Variants in POGLUT2 observed in about 807,000 individuals in gnomAD.
The protein encoded by POGLUT2 is protein O-glucosyltransferase 2.
A neutral mutation model predicts 57.6 loss-of-function variants in POGLUT2; 47 were observed. The ratio of observed to expected loss-of-function variants is 0.82; its 90% CI spans 0.65 to 1.04. The LOEUF (loss-of-function observed/expected upper bound fraction) is 1.04, where lower values mean the gene tolerates loss of function less well. Ranked by LOEUF, POGLUT2 falls within the 50% of genes least tolerant of loss-of-function variation. The pLI is 0.00. For synonymous variants in POGLUT2, 200 were observed against 218.8 expected, an observed-to-expected ratio of 0.91 and a Z score of 0.76; for missense variants, 565 against 614.8, an observed-to-expected ratio of 0.92 and a Z score of 0.86.
rs747119957 is a variant in POGLUT2 at position 102,787,843 on chromosome 13, T to C, written c.1374A>G (p.Lys458=). The change falls in exon 8 of 10, where the codon AAA becomes AAG. Residue 458 remains lysine (K), a synonymous_variant. Coordinates refer to ENST00000376004, the MANE Select transcript of POGLUT2 (RefSeq NM_024089.3). ...MGDDIFCYYF[K]LFQEYANLQV... is the part of the protein sequence containing the mutation. ...CTTGGAAAATACTGACCTGGAAAAG[T>C]TTGAAATAATAACAGAATATGTCAT... 2 of 1,553,554 alleles carry C rather than the reference T, an allele frequency of 1.3e-6. No homozygotes were observed. The highest frequency in any genetic ancestry group is 1.4e-5 in the African/African-American group (1 of 73,730).
chr13:102,788,549 T>C (rs1430124870), intron 7 of POGLUT2, among the ~76,000 whole-genome samples: 1 of 152,132 alleles, frequency 6.6e-6, no homozygotes, highest in Non-Finnish European at 1.5e-5. Flanking sequence ...TGCAATGGTG[T>C]GGTCTCGGCT....
intron 2 of POGLUT2, among the ~76,000 whole-genome samples, chr13:102,794,317 G>A (rs1042546076): frequency 1.3e-5 from 2 of 152,100 alleles, no homozygotes; most frequent in Non-Finnish European, 2.9e-5. Flanking sequence ...TCACAGTGAA[G>A]TTTTGTGATA....
rs140281026 is a variant in POGLUT2 at position 102,786,465 on chromosome 13, T to C, written c.1384-126A>G. Reference sequence around the variant, plus strand: ...GTGTGTCAAACTGTGATCTGCATAGTCCGTCATATATACCAGTTCTGAACA... The same window carrying C: ...GTGTGTCAAACTGTGATCTGCATAGCCCGTCATATATACCAGTTCTGAACA... On this transcript the variant is annotated intron_variant, in intron 8 of 9. Transcript: ENST00000376004. The C allele has an allele frequency of 4.1e-4, 282 of 690,464 alleles. 1 individual carries two copies. The highest frequency in any genetic ancestry group is 3.8e-3 in the Middle Eastern group (10 of 2,614). 42.8% of individuals were successfully genotyped at this position (690,464 alleles called of 1,614,324 possible).
chr13:102,787,807 G>A (rs752908430), intron 8 of POGLUT2, 27 bp downstream of exon 8: 17 of 1,255,118 alleles, frequency 1.4e-5, no homozygotes, highest in East Asian at 9.4e-5. Flanking sequence ...TATAAGTTAC[G>A]TGATGATTTT....
In POGLUT2 at chr13:102,790,933, C is replaced by T. The variant is rs780824133; in HGVS notation, c.1051G>A (p.Val351Met). Residue 351 changes from valine (V) to methionine (M), a missense_variant, in exon 6 of 10, where the codon GTG becomes ATG. Val to Met is a conservative substitution (Grantham distance 21). Coordinates refer to ENST00000376004, the MANE Select transcript of POGLUT2 (RefSeq NM_024089.3). Reference protein sequence around the residue: ...KHDENLYGPIVKHISFFDFFK... With the variant: ...KHDENLYGPIMKHISFFDFFK... ...AAATCAAAAAATGAAATATGTTTCACAATGGGACCATACAGGTTTTCATCG... is the reference window on the plus strand; with the variant it reads ...AAATCAAAAAATGAAATATGTTTCATAATGGGACCATACAGGTTTTCATCG... 34 of 1,611,602 alleles carry T rather than the reference C, an allele frequency of 2.1e-5. No individual in the cohort carries two copies. In the Admixed American group the frequency reaches 5.3e-4, roughly 25 times the overall value.
intron 2 of POGLUT2, among the ~76,000 whole-genome samples, chr13:102,796,104 G>A (rs749089325): frequency 2.1e-4 from 32 of 151,808 alleles, no homozygotes; most frequent in Non-Finnish European, 3.4e-4. Context: ...AAACCATCCT[G>A]GTCAACATGG....
In POGLUT2 at chr13:102,798,920, T is replaced by C. The variant is rs1878566150; in HGVS notation, c.-250A>G. On this transcript the variant is annotated 5_prime_UTR_variant, in exon 1 of 10. Transcript: ENST00000376004. ...CTGTCCCGGCCGAGAACCGCGCTGC[T>C]CCTCTCTCTCAGGACAATGATGAAC... 3 of 463,716 alleles carry C rather than the reference T, an allele frequency of 6.5e-6. No homozygotes were observed. In the South Asian group the frequency reaches 1.3e-4, roughly 20 times the overall value. The allele number at this position is 463,716 out of a possible 1,614,324, so 28.7% of individuals were successfully genotyped here. A position where few individuals can be genotyped will look rare whatever the true frequency, so the allele number is the denominator to read the frequency against.
At chr13:102,797,810 A>T (rs1878481482) in intron 1 of POGLUT2, among the ~76,000 whole-genome samples, 1 of 152,116 alleles carries the variant, frequency 6.6e-6, no homozygotes, top group Non-Finnish European at 1.5e-5. Flanking sequence ...TCTTTTGCCA[A>T]ATAACAAAAT....
chr13:102,786,439 T>G (rs535932198), intron 8 of POGLUT2, 100 bp from the exon 9 acceptor site: 2 of 806,080 alleles, frequency 2.5e-6, no homozygotes, highest in South Asian at 3.0e-5. Context: ...ATTTAACTCA[T>G]GTGTGTCAAA....
At position 102,797,701 on chromosome 13, in the gene POGLUT2, C is replaced by T. The variant is rs115212093; in HGVS notation, c.183-692G>A. On this transcript the variant is annotated intron_variant, in intron 1 of 9. Transcript: ENST00000376004. ...AGGGTACAGTGAGCTGTGATTGCACCACTGCACTCCAGACTAGGCTAGGAA... is the reference window on the plus strand; with the variant it reads ...AGGGTACAGTGAGCTGTGATTGCACTACTGCACTCCAGACTAGGCTAGGAA... 4.5e-3 allele frequency among the ~76,000 whole-genome samples: 682 copies of T among 151,900 alleles called. 6 individuals are homozygous for T. The highest frequency in any genetic ancestry group is 0.015 in the African/African-American group (628 of 41,384).
intron 1 of POGLUT2, 124 bp from the exon 2 acceptor site, chr13:102,797,133 T>G (rs1595314437): frequency 1.6e-6 from 1 of 632,970 alleles, no homozygotes; most frequent in Non-Finnish European, 2.8e-6. Flanking sequence ...TATGATTGCT[T>G]CTTCTTCTCT....
In POGLUT2 at chr13:102,798,614, G is replaced by A; in HGVS notation, c.57C>T (p.Ala19=). 1.2e-6 allele frequency: 2 copies of A among 1,613,224 alleles called. No individual in the cohort carries two copies. The highest frequency in any genetic ancestry group is 1.7e-6 in the Non-Finnish European group (2 of 1,179,566). The change falls in exon 1 of 10, where the codon GCC becomes GCT. Residue 19 remains alanine, a synonymous_variant. Coordinates refer to ENST00000376004, the MANE Select transcript of POGLUT2 (RefSeq NM_024089.3). ...CFFLATVPAL[A]ETGGERQLSP... is the part of the protein sequence containing the mutation. ...TCAGCTGCCTTTCTCCGCCGGTCTCGGCGAGTGCTGGAACTGTCGCCAGAA... is the reference window on the plus strand; with the variant it reads ...TCAGCTGCCTTTCTCCGCCGGTCTCAGCGAGTGCTGGAACTGTCGCCAGAA...
intron 7 of POGLUT2, 69 bp from the exon 8 acceptor site, chr13:102,787,992 C>T (rs1190308061): frequency 1.1e-6 from 1 of 889,660 alleles, no homozygotes; most frequent in Non-Finnish European, 1.8e-6. Context: ...CTGCAAACTG[C>T]TCTTCAGAGT....
At chr13:102,794,996 G>A (rs983638450) in intron 2 of POGLUT2, among the ~76,000 whole-genome samples, 27 of 148,458 alleles carry the variant, frequency 1.8e-4, no homozygotes, top group African/African-American at 6.8e-4. Flanking sequence ...GCTCATGCCT[G>A]TAATCCCAGC....
chr13:102,791,550 A>T, intron 4 of POGLUT2, 120 bp from the exon 5 acceptor site: 11 of 929,398 alleles, frequency 1.2e-5, no homozygotes, highest in Non-Finnish European at 1.6e-5. Context: ...TTCAGGTAAT[A>T]ATAATTACCT....
At chr13:102,790,420 A>C (rs1595308377) in intron 6 of POGLUT2, among the ~76,000 whole-genome samples, 1 of 152,334 alleles carries the variant, frequency 6.6e-6, no homozygotes, top group East Asian at 1.9e-4. Flanking sequence ...CCCAGGAACC[A>C]TGCGGAATCC....
At chr13:102,787,288 C>T (rs570039393) in intron 8 of POGLUT2, among the ~76,000 whole-genome samples, 1 of 152,282 alleles carries the variant, frequency 6.6e-6, no homozygotes, top group South Asian at 2.1e-4. Flanking sequence ...CTCAGGTGAT[C>T]TGTCTGCCTC....
intron 2 of POGLUT2, among the ~76,000 whole-genome samples, chr13:102,796,309 A>ATAAAT (rs1353968476): frequency 6.1e-4 from 77 of 125,996 alleles, no homozygotes; most frequent in African/African-American, 1.5e-3. Context: ...AAAAAAAAAA[A>ATAAAT]AAATAAATAA....
intron 1 of POGLUT2, 70 bp from the exon 2 acceptor site, chr13:102,797,079 A>G: frequency 9.3e-7 from 1 of 1,075,648 alleles, no homozygotes; most frequent in Non-Finnish European, 1.4e-6. Context: ...TATGCTCTTC[A>G]GTCTGGAAAC....
Sources: allele counts gnomAD v4.1 joint callset (sites outside exome capture counted in the v4.1 genomes callset), GRCh38; gene constraint gnomAD v4.1.1; transcripts MANE v1.5; gene names NCBI Gene and HGNC (gene_info 2026-07-23, HGNC 2026-07-21).